The following NOSTRIN variants were observed in gnomAD, a reference collection of about 807,000 sequenced individuals.
NOSTRIN encodes the protein nitric oxide synthase trafficking.
A neutral mutation model predicts 59.0 loss-of-function variants in NOSTRIN; 63 were observed. The ratio of observed to expected loss-of-function variants is 1.07; its 90% CI spans 0.87 to 1.32. The LOEUF (loss-of-function observed/expected upper bound fraction) is 1.32. Among genes scored for constraint, NOSTRIN ranks in the 40% most tolerant of loss-of-function variants. The probability of loss-of-function intolerance (pLI) is 0.00; values close to 1 mark genes in which losing one functional copy is unlikely to be tolerated. For missense variants in NOSTRIN, 512 were observed against 473.1 expected, an observed-to-expected ratio of 1.08 and a Z score of -0.76; for synonymous variants, 200 against 165.4, an observed-to-expected ratio of 1.21 and a Z score of -1.61.
intron 3 of NOSTRIN, 28 bp from the exon 4 acceptor site, chr2:168,828,130 T>G (rs372892417): frequency 4.6e-6 from 4 of 872,730 alleles, no homozygotes; most frequent in South Asian, 3.9e-5. Flanking sequence ...GACACTCACC[T>G]TTGTTCCCCA....
chr2:168,834,723 C>A (rs1687619382), intron 7 of NOSTRIN, among the ~76,000 whole-genome samples: 1 of 151,780 alleles, frequency 6.6e-6, no homozygotes, highest in South Asian at 2.1e-4. Context: ...ATATTATTGA[C>A]AGATGACAAA....
chr2:168,796,410 A>G (rs1685481393), upstream of NOSTRIN, among the ~76,000 whole-genome samples: 1 of 152,180 alleles, frequency 6.6e-6, no homozygotes, highest in Non-Finnish European at 1.5e-5. Context: ...CAGCTTGGCT[A>G]AGTACTCCTG....
At chr2:168,854,718 C>G (rs1452228159) in intron 10 of NOSTRIN, among the ~76,000 whole-genome samples, 1 of 152,168 alleles carries the variant, frequency 6.6e-6, no homozygotes, top group Non-Finnish European at 1.5e-5. Context: ...TGCCATCTTT[C>G]CTTGACTAGA....
At chr2:168,860,245 C>A (rs1383577646) in intron 13 of NOSTRIN, among the ~76,000 whole-genome samples, 1 of 152,156 alleles carries the variant, frequency 6.6e-6, no homozygotes, top group Non-Finnish European at 1.5e-5. Context: ...TTGACCTAGA[C>A]ACATAGGTTA....
intron 5 of NOSTRIN, among the ~76,000 whole-genome samples, chr2:168,829,182 C>G (rs186462378): frequency 1.3e-5 from 2 of 152,292 alleles, no homozygotes; most frequent in Non-Finnish European, 2.9e-5. Flanking sequence ...ACAATCCTTT[C>G]AGGGGCACCT....
chr2:168,863,846 C>CCAT (rs1192879980), intron 15 of NOSTRIN, among the ~76,000 whole-genome samples: 3 of 152,148 alleles, frequency 2.0e-5, no homozygotes, highest in Non-Finnish European at 4.4e-5. Flanking sequence ...TGGTGACAAT[C>CCAT]CATCAGCTAC....
chr2:168,826,182 T>G (rs1043863847), intron 3 of NOSTRIN, among the ~76,000 whole-genome samples: 14 of 151,572 alleles, frequency 9.2e-5, no homozygotes. Flanking sequence ...TCTGTGAATG[T>G]CCATTACGTT....
intron 13 of NOSTRIN, 24 bp from the exon 14 acceptor site, chr2:168,860,771 T>A (rs1574342704): frequency 7.2e-7 from 1 of 1,380,710 alleles, no homozygotes; most frequent in South Asian, 1.2e-5. Flanking sequence ...TTACAAAATA[T>A]GACTTTTTAT....
chr2:168,861,048 T>C, intron 14 of NOSTRIN, 139 bp downstream of exon 14: 1 of 604,892 alleles, frequency 1.7e-6, no homozygotes, highest in Non-Finnish European at 3.0e-6. Context: ...GATTAATTTG[T>C]TAGACTCTGT....
chr2:168,789,027 G>A (rs975854022), intron 2 of NOSTRIN, among the ~76,000 whole-genome samples: 8 of 152,080 alleles, frequency 5.3e-5, no homozygotes, highest in African/African-American at 1.7e-4. Context: ...CCAGGTCTTG[G>A]TTTCTAAATC....
In NOSTRIN at chr2:168,835,208, G is replaced by A. The variant is rs149059148; in HGVS notation, c.504+883G>A. Among the ~76,000 whole-genome samples the A allele has an allele frequency of 1.0e-2, 1,521 of 152,116 alleles. 23 individuals are homozygous for A. The highest frequency in any genetic ancestry group is 0.035 in the African/African-American group (1,448 of 41,464). On this transcript the variant is annotated intron_variant, in intron 7 of 15. Transcript: ENST00000317647. ...TCCCACCCCAGCCTCCCAAGTAGCT[G>A]GGACTACAGGTGTGCACCACCATGC...
chr2:168,834,503 GCGCGCACACACACACACACACACA>G (rs1687578770), intron 7 of NOSTRIN, among the ~76,000 whole-genome samples, 178 bp downstream of exon 7: 1 of 119,740 alleles, frequency 8.4e-6, no homozygotes, highest in East Asian at 2.5e-4. Flanking sequence ...GCGCGCGCGC[GCGCGCACACACACACACACACACA>G]CACACACACA....
rs547277321 is a variant in NOSTRIN, at chr2:168,837,470, A to G, written c.504+3145A>G. On this transcript the variant is annotated intron_variant, in intron 7 of 15. Coordinates refer to ENST00000317647, the MANE Select transcript of NOSTRIN (RefSeq NM_001039724.4). ...GACTACAGGCCCCGCCACCACACCC[A>G]GCTAATTTTTTATATTTTTTAGTAG... Among the ~76,000 whole-genome samples, 8 of 151,376 alleles carry G rather than the reference A, an allele frequency of 5.3e-5. 1 individual carries two copies. The South Asian group carries it at 1.3e-3, about 24-fold the overall frequency.
chr2:168,820,251 A>G (rs755972226), intron 2 of NOSTRIN, among the ~76,000 whole-genome samples: 3 of 152,172 alleles, frequency 2.0e-5, no homozygotes, highest in South Asian at 4.1e-4. Flanking sequence ...CCCTCAGGCT[A>G]GTGACTGACC....
chr2:168,856,312 C>T (rs973726439), intron 11 of NOSTRIN: 7 of 249,842 alleles, frequency 2.8e-5, no homozygotes, highest in Non-Finnish European at 4.7e-5. Flanking sequence ...TGCTGTGGCT[C>T]ACGCCTATAA....
At chr2:168,797,690 T>A (rs1435865808), upstream of NOSTRIN, among the ~76,000 whole-genome samples, 1 of 138,714 alleles carries the variant, frequency 7.2e-6, no homozygotes, top group Non-Finnish European at 1.6e-5. Context: ...TTTTTTTTTT[T>A]AATGTTGCTT....
chr2:168,811,530 T>C lies in NOSTRIN; in HGVS notation c.28-37T>C, dbSNP rs976999849. The C allele has an allele frequency of 3.3e-5, 24 of 735,464 alleles. No individual in the cohort carries two copies. The Admixed American group carries it at 3.9e-4, about 12-fold the overall frequency. The allele number at this position is 735,464 out of a possible 1,614,324, so 45.6% of individuals were successfully genotyped here. ...TCTTCGGAGTTGCTCGTAATCTTCC[T>C]GTTCATTGTTTTTTTGTTATTGTTC... On this transcript the variant is annotated intron_variant, in intron 1 of 15. Coordinates refer to ENST00000317647, the MANE Select transcript of NOSTRIN (RefSeq NM_001039724.4).
At position 168,803,702 on chromosome 2, in the gene NOSTRIN, C is replaced by CT. The variant is rs1015227571; in HGVS notation, c.27+1036dup. Among the ~76,000 whole-genome samples, 118 of 152,192 alleles carry CT rather than the reference C, an allele frequency of 7.8e-4. 1 individual carries two copies. The highest frequency in any genetic ancestry group is 2.7e-3 in the African/African-American group (112 of 41,526). On this transcript the variant is annotated intron_variant, in intron 1 of 15. Transcript: ENST00000317647. ...TAGTAGCCAATTCTGCCTAATTTTC[C>CT]TTTTTTTAAATACAGAAATAATTTG... is the stretch of plus-strand genomic sequence containing the variant.
Position 168,864,663 on chromosome 2 carries a change from T to G in NOSTRIN, c.1385-171T>G, listed in dbSNP as rs141597163. On this transcript the variant is annotated intron_variant, in intron 15 of 15. Coordinates refer to ENST00000317647, the MANE Select transcript of NOSTRIN (RefSeq NM_001039724.4). The stretch of plus-strand genomic sequence containing the variant: ...ACTCTTTTTAGTATCCTCTGGATTA[T>G]GCCTGCTTTATACACAGGTGTTCGA... Among the ~76,000 whole-genome samples, 239 of 152,360 alleles carry G rather than the reference T, an allele frequency of 1.6e-3. No homozygotes were observed. The highest frequency in any genetic ancestry group is 5.6e-3 in the African/African-American group (231 of 41,590).
Sources: gnomAD v4.1 joint callset for allele counts (sites outside exome capture counted in the v4.1 genomes callset) on GRCh38, gnomAD v4.1.1 for gene constraint, MANE v1.5 for transcripts, NCBI Gene and HGNC (gene_info 2026-07-23, HGNC 2026-07-21) for gene names.